The following COG5 variants were observed in gnomAD, a reference collection of about 807,000 sequenced individuals.
COG5 encodes conserved oligomeric Golgi complex subunit 5.
Under a neutral mutation model 110.4 loss-of-function variants are expected in COG5, and 86 were observed. That is an observed-to-expected ratio of 0.78 (90% confidence interval 0.65 to 0.93). The LOEUF (loss-of-function observed/expected upper bound fraction) is 0.93. Among genes scored for constraint, COG5 ranks in the 40% least tolerant of loss-of-function variants. The pLI is 0.00. For missense variants in COG5, 1,077 were observed against 987.0 expected, an observed-to-expected ratio of 1.09 and a Z score of -1.22; for synonymous variants, 360 against 334.6, an observed-to-expected ratio of 1.08 and a Z score of -0.83.
In COG5 at chr7:107,375,962, C is replaced by G. The variant is rs977626866; in HGVS notation, c.670-3202G>C. ...ACTCTATTGGTTTATCTTTCATGCT[C>G]AGAAATACAATTCACCTGGAATTAA... On this transcript the variant is annotated intron_variant, in intron 7 of 21. Coordinates refer to ENST00000297135, the MANE Select transcript of COG5 (RefSeq NM_006348.5). Among the ~76,000 whole-genome samples the G allele has an allele frequency of 2.0e-5, 3 of 152,048 alleles. No homozygotes were observed. The South Asian group carries it at 6.2e-4, about 32-fold the overall frequency.
intron 5 of COG5, among the ~76,000 whole-genome samples, chr7:107,537,125 G>A (rs1801640150): frequency 6.6e-6 from 1 of 152,110 alleles, no homozygotes; most frequent in Non-Finnish European, 1.5e-5. Context: ...CACTGTTGGT[G>A]GGAGTGTAAA....
At chr7:107,384,145 C>T (rs1036584266) in intron 7 of COG5, among the ~76,000 whole-genome samples, 1 of 152,156 alleles carries the variant, frequency 6.6e-6, no homozygotes, top group African/African-American at 2.4e-5. Context: ...GTCACACAAC[C>T]AGAGCCTCTG....
At chr7:107,258,465 C>CAT in intron 14 of COG5, 82 bp from the exon 15 acceptor site, 11 of 465,600 alleles carry the variant, frequency 2.4e-5, no homozygotes, top group Middle Eastern at 3.2e-4. Context: ...CACACACATA[C>CAT]ACACACACAC....
At chr7:107,394,063 G>A (rs1323161467) in intron 7 of COG5, among the ~76,000 whole-genome samples, 2 of 151,682 alleles carry the variant, frequency 1.3e-5, no homozygotes, top group African/African-American at 4.8e-5. Flanking sequence ...CCAGGTTCAC[G>A]CCATTCTCCT....
Position 107,372,751 on chromosome 7 carries a change from G to T in COG5, c.679C>A (p.Gln227Lys), listed in dbSNP as rs969075609. The T allele has an allele frequency of 2.6e-5, 42 of 1,613,230 alleles. No homozygotes were observed. The highest frequency in any genetic ancestry group is 3.3e-5 in the Non-Finnish European group (39 of 1,179,672). Reference sequence around the variant, plus strand: ...AAAACCTGAAGAGCTGTTCCGACTTGAGTTGGATTCTTAAAAAAAGGTGGG... The same window carrying T: ...AAAACCTGAAGAGCTGTTCCGACTTTAGTTGGATTCTTAAAAAAAGGTGGG... ...EQGLETQNPT[Q>K]VGTALQVFYN... The change falls in exon 8 of 22, where the codon CAA becomes AAA. Residue 227 changes from glutamine to lysine, a missense_variant. Coordinates refer to ENST00000297135, the MANE Select transcript of COG5 (RefSeq NM_006348.5).
chr7:107,357,535 A>G (rs1189824687), intron 10 of COG5, among the ~76,000 whole-genome samples: 1 of 152,228 alleles, frequency 6.6e-6, no homozygotes, highest in African/African-American at 2.4e-5. Context: ...TGAAACAGCA[A>G]TCTTTAATGG....
intron 8 of COG5, among the ~76,000 whole-genome samples, chr7:107,364,695 A>T (rs1381985550): frequency 6.6e-6 from 1 of 152,222 alleles, no homozygotes; most frequent in Non-Finnish European, 1.5e-5. Flanking sequence ...CAAGAAAACC[A>T]GAGGGACTGT....
chr7:107,462,855 G>A (rs1796083469), intron 6 of COG5, among the ~76,000 whole-genome samples: 1 of 152,128 alleles, frequency 6.6e-6, no homozygotes, highest in East Asian at 1.9e-4. Flanking sequence ...ACTATAATTT[G>A]TTTTCACAAT....
rs942051918 is a variant in COG5 at position 107,383,297 on chromosome 7, G to T, written c.670-10537C>A. ...TGTCCCAGGCTCAATTCCAAGCTTTGGGTCAAAGCCCTAGGAAAGAAAACT... is the reference window on the plus strand; with the variant it reads ...TGTCCCAGGCTCAATTCCAAGCTTTTGGTCAAAGCCCTAGGAAAGAAAACT... On this transcript the variant is annotated intron_variant, in intron 7 of 21. Transcript: ENST00000297135. Among the ~76,000 whole-genome samples, 26 of 151,898 alleles carry T rather than the reference G, an allele frequency of 1.7e-4. No individual in the cohort carries two copies. In the East Asian group the frequency reaches 4.6e-3, roughly 27 times the overall value.
At position 107,281,317 on chromosome 7, in the gene COG5, C is replaced by T. The variant is rs2116795993; in HGVS notation, c.1558G>A (p.Val520Ile). The change falls in exon 14 of 22, where the codon GTA becomes ATA. Residue 520 changes from valine (V) to isoleucine (I), a missense_variant. Val to Ile is a conservative substitution (Grantham distance 29). Transcript: ENST00000297135. ...NVAKTIQLYS[V>I]KSEQLLSTQG... ...CCACTTACAAGCTGCTCTGATTTTA[C>T]ACTGTATAACTGGATGGTCTTTGCC... The T allele has an allele frequency of 3.7e-6, 6 of 1,611,984 alleles. No individual in the cohort carries two copies. The highest frequency in any genetic ancestry group is 4.2e-6 in the Non-Finnish European group (5 of 1,178,248).
intron 7 of COG5, among the ~76,000 whole-genome samples, chr7:107,384,658 T>G (rs938547612): frequency 4.6e-5 from 7 of 152,006 alleles, no homozygotes; most frequent in African/African-American, 1.7e-4. Flanking sequence ...TGACAAGGGG[T>G]TGGGAGGGCT....
In COG5 at chr7:107,548,181, C is replaced by T. The variant is rs1438666646; in HGVS notation, c.348-1G>A. On this transcript the variant is annotated splice_acceptor_variant, in intron 4 of 21. Coordinates refer to ENST00000297135, the MANE Select transcript of COG5 (RefSeq NM_006348.5). LOFTEE classifies it high-confidence loss of function. ...TGGTTCAACAATTTTTGCTTTTATC[C>T]TACAGGAAAAGAGAGGAGTGAGAAT... The T allele has an allele frequency of 6.2e-7, 1 of 1,613,332 alleles. No homozygotes were observed. Among genetic ancestry groups the T allele is most frequent in the African/African-American group, 1.3e-5 (1 of 74,864 alleles).
chr7:107,509,689 C>T (rs1214438171), intron 6 of COG5, among the ~76,000 whole-genome samples: 1 of 152,024 alleles, frequency 6.6e-6, no homozygotes, highest in Non-Finnish European at 1.5e-5. Flanking sequence ...ATCAGACTAA[C>T]AGCGGATCTC....
intron 5 of COG5, among the ~76,000 whole-genome samples, chr7:107,536,900 G>C (rs1801623015): frequency 6.6e-6 from 1 of 152,160 alleles, no homozygotes; most frequent in Non-Finnish European, 1.5e-5. Flanking sequence ...GCATGGTACT[G>C]ATACCAAAAC....
At chr7:107,245,573 G>C (rs1801991767) in intron 17 of COG5, among the ~76,000 whole-genome samples, 1 of 152,086 alleles carries the variant, frequency 6.6e-6, no homozygotes, top group Non-Finnish European at 1.5e-5. Flanking sequence ...ATCACCAACA[G>C]CCAAACTGAA....
chr7:107,226,011 C>A (rs1020586794), intron 19 of COG5, among the ~76,000 whole-genome samples: 11 of 151,980 alleles, frequency 7.2e-5, no homozygotes, highest in Admixed American at 3.3e-4. Context: ...CCATTGCACT[C>A]CAACCTGGGG....
intron 12 of COG5, among the ~76,000 whole-genome samples, chr7:107,286,793 T>C (rs748289134): frequency 4.6e-5 from 7 of 152,162 alleles, no homozygotes; most frequent in Non-Finnish European, 1.0e-4. Flanking sequence ...TCACTCCTTT[T>C]TTTAAAATAA....
At chr7:107,413,540 CAA>C (rs58689670) in intron 6 of COG5, among the ~76,000 whole-genome samples, 2 of 138,646 alleles carry the variant, frequency 1.4e-5, no homozygotes. Context: ...AAAAACACAA[CAA>C]AAAAAAAAAA....
chr7:107,387,418 G>A (rs1790290993), intron 7 of COG5, among the ~76,000 whole-genome samples: 1 of 152,204 alleles, frequency 6.6e-6, no homozygotes, highest in South Asian at 2.1e-4. Flanking sequence ...GGGCCCACCT[G>A]CTCAGCTCTC....
Sources: allele counts gnomAD v4.1 joint callset (sites outside exome capture counted in the v4.1 genomes callset), GRCh38; gene constraint gnomAD v4.1.1; transcripts MANE v1.5; gene names NCBI Gene and HGNC (gene_info 2026-07-23, HGNC 2026-07-21).